The following NRXN1 variants were observed in gnomAD, a reference collection of about 807,000 sequenced individuals.
The protein encoded by NRXN1 is neurexin-1.
A neutral mutation model predicts 150.9 loss-of-function variants in NRXN1; 39 were observed. That is an observed-to-expected ratio of 0.26 (90% CI 0.20 to 0.34). The LOEUF (loss-of-function observed/expected upper bound fraction) is 0.34. Among genes scored for constraint, NRXN1 ranks in the 10% least tolerant of loss-of-function variants. The pLI, the probability that NRXN1 is intolerant of heterozygous loss-of-function variation, is 1.00. For missense variants in NRXN1, 1,815 were observed against 1,949.9 expected (o/e 0.93, Z 1.30); for synonymous variants, 924 against 757.0 (o/e 1.22, Z -3.62).
intron 17 of NRXN1, among the ~76,000 whole-genome samples, chr2:50,341,841 G>A (rs1293865716): frequency 6.6e-6 from 1 of 151,716 alleles, no homozygotes; most frequent in Non-Finnish European, 1.5e-5. Flanking sequence ...CTATTTTGAT[G>A]TTTTTATCAG....
At chr2:50,946,585 A>T (rs1187984110) in intron 2 of NRXN1, among the ~76,000 whole-genome samples, 1 of 152,058 alleles carries the variant, frequency 6.6e-6, no homozygotes, top group East Asian at 1.9e-4. Context: ...GAGCAAAAAC[A>T]CTCATTTAGG....
intron 2 of NRXN1, among the ~76,000 whole-genome samples, chr2:50,939,911 C>A (rs1169238547): frequency 6.6e-6 from 1 of 152,126 alleles, no homozygotes; most frequent in South Asian, 2.1e-4. Context: ...CCACCCACTG[C>A]ATTTAGAATT....
Position 50,091,447 on chromosome 2 carries a change from G to A in NRXN1, c.3594C>T (p.Ile1198=), listed in dbSNP as rs200460049. Residue 1198 remains isoleucine, a synonymous_variant, in exon 19 of 23, where the codon ATC becomes ATT. Coordinates refer to ENST00000401669, the MANE Select transcript of NRXN1 (RefSeq NM_001330078.2). ...GVKFNVGTDD[I]AIEESNAIIN... ...TGATTGCATTGGATTCTTCAATGGC[G>A]ATGTCATCTGTCCCAACATTAAACT... 9.3e-6 allele frequency: 15 copies of A among 1,614,136 alleles called. No homozygotes were observed. The highest frequency in any genetic ancestry group is 2.2e-5 in the South Asian group (2 of 91,088).
intron 17 of NRXN1, among the ~76,000 whole-genome samples, chr2:50,253,912 G>C (rs893677996): frequency 6.6e-6 from 1 of 150,448 alleles, no homozygotes; most frequent in African/African-American, 2.5e-5. Flanking sequence ...TTGATGTCAG[G>C]ATAATGCTGG....
At chr2:50,279,900 A>C (rs1431968640) in intron 17 of NRXN1, among the ~76,000 whole-genome samples, 1 of 152,230 alleles carries the variant, frequency 6.6e-6, no homozygotes, top group Non-Finnish European at 1.5e-5. Context: ...ACACTAAGCC[A>C]CTTACTTGAA....
intron 21 of NRXN1, among the ~76,000 whole-genome samples, chr2:49,968,328 G>A (rs1391888699): frequency 1.3e-5 from 2 of 152,028 alleles, no homozygotes; most frequent in African/African-American, 4.8e-5. Flanking sequence ...TAATTTTAAT[G>A]AATAAAGAGA....
intron 17 of NRXN1, among the ~76,000 whole-genome samples, chr2:50,302,089 G>T (rs563172978): frequency 7.0e-6 from 1 of 143,410 alleles, no homozygotes; most frequent in East Asian, 2.0e-4. Context: ...AGTTGTTGGG[G>T]CAATGAAGAT....
chr2:50,001,713 G>A (rs963346483), intron 21 of NRXN1, among the ~76,000 whole-genome samples: 7 of 152,130 alleles, frequency 4.6e-5, no homozygotes, highest in East Asian at 3.9e-4. Flanking sequence ...CAACTTCTAC[G>A]TATTTACATA....
At chr2:50,398,402 T>C (rs1558662456) in intron 17 of NRXN1, among the ~76,000 whole-genome samples, 1 of 152,126 alleles carries the variant, frequency 6.6e-6, no homozygotes, top group Admixed American at 6.6e-5. Flanking sequence ...CGCAATGTTA[T>C]TCAAGCATTG....
At chr2:50,287,936 T>C (rs1399521773) in intron 17 of NRXN1, among the ~76,000 whole-genome samples, 1 of 152,118 alleles carries the variant, frequency 6.6e-6, no homozygotes, top group Non-Finnish European at 1.5e-5. Context: ...TATTTGAATT[T>C]GGAATACAAA....
intron 8 of NRXN1, among the ~76,000 whole-genome samples, chr2:50,581,754 A>G (rs1482353306): frequency 1.3e-5 from 2 of 152,320 alleles, no homozygotes; most frequent in Non-Finnish European, 2.9e-5. Flanking sequence ...GTTCTGGACA[A>G]TAAGACATCT....
intron 18 of NRXN1, among the ~76,000 whole-genome samples, chr2:50,137,934 G>T (rs752829360): frequency 6.6e-6 from 1 of 152,046 alleles, no homozygotes; most frequent in South Asian, 2.1e-4. Flanking sequence ...CTCCTTTGAC[G>T]GAAAATGAGA....
At chr2:50,342,699 A>T (rs989960768) in intron 17 of NRXN1, among the ~76,000 whole-genome samples, 2 of 152,242 alleles carry the variant, frequency 1.3e-5, no homozygotes, top group Non-Finnish European at 2.9e-5. Flanking sequence ...AAAACGCTGG[A>T]CCATGTATCT....
At chr2:50,651,602 G>A (rs188111413) in intron 5 of NRXN1, among the ~76,000 whole-genome samples, 2 of 152,010 alleles carry the variant, frequency 1.3e-5, no homozygotes, top group Admixed American at 1.3e-4. Context: ...AGGCTGCAGC[G>A]AGCTGTAAAC....
chr2:50,823,983 A>G (rs1345607916), intron 5 of NRXN1, among the ~76,000 whole-genome samples: 1 of 152,186 alleles, frequency 6.6e-6, no homozygotes, highest in African/African-American at 2.4e-5. Context: ...CTTATCCCCA[A>G]CAATGCCTCA....
intron 5 of NRXN1, among the ~76,000 whole-genome samples, chr2:50,800,572 A>C (rs1001355618): frequency 6.6e-6 from 1 of 152,086 alleles, no homozygotes; most frequent in Non-Finnish European, 1.5e-5. Flanking sequence ...TTTTTAAGAC[A>C]AAGTTTCACT....
intron 5 of NRXN1, among the ~76,000 whole-genome samples, chr2:50,753,410 G>T (rs1700826567): frequency 6.6e-6 from 1 of 151,764 alleles, no homozygotes; most frequent in Non-Finnish European, 1.5e-5. Context: ...ATGCTGTACT[G>T]CCTCTCCATT....
intron 2 of NRXN1, among the ~76,000 whole-genome samples, chr2:51,025,244 T>G (rs1670251132): frequency 6.6e-6 from 1 of 152,298 alleles, no homozygotes; most frequent in African/African-American, 2.4e-5. Flanking sequence ...CCTAATGGAT[T>G]TGCTATTCTG....
Position 50,096,771 on chromosome 2 carries a change from A to T in NRXN1, c.3547-5277T>A, listed in dbSNP as rs1700283828. 2.0e-5 allele frequency among the ~76,000 whole-genome samples: 3 copies of T among 152,240 alleles called. No homozygotes were observed. In the South Asian group the frequency reaches 6.2e-4, roughly 31 times the overall value. On this transcript the variant is annotated intron_variant, in intron 18 of 22. Transcript: ENST00000401669. ...CTCATTTCTGAATAAAGATTATATT[A>T]TTAAACCAAGTTAAAGGGAAACATC... is the stretch of plus-strand genomic sequence containing the variant.
Sources: gnomAD v4.1 joint callset for allele counts (sites outside exome capture counted in the v4.1 genomes callset) on GRCh38, gnomAD v4.1.1 for gene constraint, MANE v1.5 for transcripts, NCBI Gene and HGNC (gene_info 2026-07-23, HGNC 2026-07-21) for gene names.